The following DCC variants were observed in gnomAD, a reference collection of about 807,000 sequenced individuals.
The protein encoded by DCC is DCC netrin 1 receptor.
Under a neutral mutation model 172.5 loss-of-function variants are expected in DCC, and 58 were observed. The ratio of observed to expected loss-of-function variants is 0.34; its 90% CI spans 0.27 to 0.42. The LOEUF (loss-of-function observed/expected upper bound fraction) is 0.42. Among genes scored for constraint, DCC ranks in the 10% least tolerant of loss-of-function variants. DCC has a pLI of 1.00. For synonymous variants in DCC, 709 were observed against 644.5 expected, an observed-to-expected ratio of 1.10 and a Z score of -1.52; for missense variants, 1,740 against 1,791.0, an observed-to-expected ratio of 0.97 and a Z score of 0.51.
chr18:53,344,728 C>A (rs141387614), intron 15 of DCC, among the ~76,000 whole-genome samples: 123 of 151,694 alleles, frequency 8.1e-4, no homozygotes, highest in African/African-American at 2.8e-3. Flanking sequence ...TATGAACCAC[C>A]ACACCCAGCC....
intron 1 of DCC, among the ~76,000 whole-genome samples, chr18:52,600,382 G>C (rs1026230152): frequency 6.6e-6 from 1 of 152,154 alleles, no homozygotes; most frequent in Non-Finnish European, 1.5e-5. Context: ...TCTTTTGCTA[G>C]TACCATGCTG....
At chr18:53,464,281 C>G (rs1348223846) in intron 24 of DCC, among the ~76,000 whole-genome samples, 1 of 152,102 alleles carries the variant, frequency 6.6e-6, no homozygotes, top group African/African-American at 2.4e-5. Context: ...GAAGAATGAA[C>G]AAGTAAATTT....
chr18:53,009,406 C>T (rs745908476), intron 5 of DCC, among the ~76,000 whole-genome samples: 54 of 151,890 alleles, frequency 3.6e-4, no homozygotes, highest in Non-Finnish European at 5.9e-5. Context: ...GGGATTTACT[C>T]TACATATGAT....
intron 2 of DCC, among the ~76,000 whole-genome samples, chr18:52,831,598 CAAAG>C (rs763150840): frequency 6.6e-6 from 1 of 151,806 alleles, no homozygotes; most frequent in Non-Finnish European, 1.5e-5. Flanking sequence ...GGGTCTGAGA[CAAAG>C]AGAACTATTA....
intron 15 of DCC, among the ~76,000 whole-genome samples, chr18:53,356,981 C>T (rs922201889): frequency 6.6e-6 from 1 of 152,098 alleles, no homozygotes; most frequent in African/African-American, 2.4e-5. Flanking sequence ...CTGAAGTGAT[C>T]TTCTTCATAT....
intron 15 of DCC, among the ~76,000 whole-genome samples, chr18:53,353,929 C>T (rs2057844533): frequency 6.6e-6 from 1 of 152,154 alleles, no homozygotes; most frequent in Non-Finnish European, 1.5e-5. Context: ...GACCTCACGA[C>T]AGGCCCCGGT....
At chr18:52,720,281 C>G (rs1445745024) in intron 1 of DCC, among the ~76,000 whole-genome samples, 1 of 152,144 alleles carries the variant, frequency 6.6e-6, no homozygotes, top group Non-Finnish European at 1.5e-5. Context: ...TCAAGTAGCT[C>G]TTATCTAAAA....
At chr18:53,267,119 C>T (rs1288270371) in intron 12 of DCC, among the ~76,000 whole-genome samples, 2 of 148,924 alleles carry the variant, frequency 1.3e-5, no homozygotes, top group African/African-American at 2.6e-5. Context: ...CTCACACACA[C>T]ACACACACAC....
intron 1 of DCC, among the ~76,000 whole-genome samples, chr18:52,551,437 T>A (rs1365285259): frequency 6.6e-6 from 1 of 152,020 alleles, no homozygotes; most frequent in African/African-American, 2.4e-5. Flanking sequence ...CTACCATAGC[T>A]TGTTATAGTA....
At chr18:52,404,429 T>C (rs11872368) in intron 1 of DCC, among the ~76,000 whole-genome samples, 17,428 of 149,886 alleles carry the variant, frequency 0.12, 1,082 homozygotes, top group Middle Eastern at 0.18. Flanking sequence ...ACGCTGACTG[T>C]GTGCCTTCCT....
At chr18:52,937,303 T>G (rs1832327613) in intron 5 of DCC, among the ~76,000 whole-genome samples, 1 of 152,206 alleles carries the variant, frequency 6.6e-6, no homozygotes, top group Non-Finnish European at 1.5e-5. Context: ...TTCTTCTTCC[T>G]ATTAGGTTGG....
intron 12 of DCC, among the ~76,000 whole-genome samples, chr18:53,283,664 A>G (rs988917996): frequency 6.6e-6 from 1 of 152,200 alleles, no homozygotes; most frequent in Non-Finnish European, 1.5e-5. Context: ...ACGATTCTAT[A>G]AAAAGGAAAA....
chr18:52,606,289 C>G (rs2034128755), intron 1 of DCC, among the ~76,000 whole-genome samples: 1 of 151,984 alleles, frequency 6.6e-6, no homozygotes, highest in African/African-American at 2.4e-5. Context: ...CTTAAACTCC[C>G]AGACCCAATT....
intron 1 of DCC, among the ~76,000 whole-genome samples, chr18:52,727,505 A>C (rs1748002461): frequency 6.6e-6 from 1 of 152,236 alleles, no homozygotes; most frequent in South Asian, 2.1e-4. Flanking sequence ...CTCAGAGAAG[A>C]AAATGATCCA....
At chr18:53,148,639 G>C (rs1326713983) in intron 7 of DCC, among the ~76,000 whole-genome samples, 1 of 151,904 alleles carries the variant, frequency 6.6e-6, no homozygotes, top group African/African-American at 2.4e-5. Context: ...AAAATACAAA[G>C]AGAAAAAAGA....
At chr18:53,271,424 C>G (rs1319601608) in intron 12 of DCC, among the ~76,000 whole-genome samples, 1 of 152,162 alleles carries the variant, frequency 6.6e-6, no homozygotes, top group East Asian at 1.9e-4. Flanking sequence ...AGCTGGGTGC[C>G]TGTGGCTCAG....
chr18:52,430,408 G>C (rs1239110241), intron 1 of DCC, among the ~76,000 whole-genome samples: 6 of 146,464 alleles, frequency 4.1e-5, no homozygotes, highest in African/African-American at 1.7e-4. Context: ...AAATGCATTG[G>C]TTAATTGGAT....
At chr18:53,529,026 TCTCTCTCTCTCTCACA>T (rs1411572544) in intron 28 of DCC, among the ~76,000 whole-genome samples, 40 of 65,116 alleles carry the variant, frequency 6.1e-4, no homozygotes, top group African/African-American at 2.5e-3. Flanking sequence ...TCTCTCTCTC[TCTCTCTCTCTCTCACA>T]CACACACACA....
At chr18:53,248,477 C>T (rs1341185159) in intron 12 of DCC, among the ~76,000 whole-genome samples, 5 of 152,020 alleles carry the variant, frequency 3.3e-5, no homozygotes, top group African/African-American at 1.2e-4. Context: ...AAGAACACAT[C>T]TTGTCCTTCT....
Sources: gnomAD v4.1 joint callset for allele counts (sites outside exome capture counted in the v4.1 genomes callset) on GRCh38, gnomAD v4.1.1 for gene constraint, MANE v1.5 for transcripts, NCBI Gene and HGNC (gene_info 2026-07-23, HGNC 2026-07-21) for gene names.